Variants in ATP13A2 observed in about 807,000 individuals in gnomAD.
ATP13A2 encodes the protein ATPase cation transporting 13A2, also known as polyamine-transporting ATPase 13A2.
ATP13A2 carries 83 observed loss-of-function variants against 138.3 expected under a neutral mutation model. That is an observed-to-expected ratio of 0.60 (90% CI 0.50 to 0.72). The LOEUF (loss-of-function observed/expected upper bound fraction) is 0.72. Among genes scored for constraint, ATP13A2 ranks in the 30% least tolerant of loss-of-function variants. The pLI is 0.00. For synonymous variants in ATP13A2, 663 were observed against 699.0 expected, an observed-to-expected ratio of 0.95 and a Z score of 0.81; for missense variants, 1,402 against 1,606.4, an observed-to-expected ratio of 0.87 and a Z score of 2.17.
intron 15 of ATP13A2, among the ~76,000 whole-genome samples, chr1:16,994,197 C>CTCTCTCATTTATTT (rs762110883): frequency 6.8e-5 from 10 of 147,312 alleles, no homozygotes; most frequent in Middle Eastern, 3.2e-3. Flanking sequence ...CTCTCTCTCT[C>CTCTCTCATTTATTT]ATTTATTTAT....
Position 16,990,271 on chromosome 1 carries a change from T to C in ATP13A2, c.2268A>G (p.Thr756=). The change falls in exon 21 of 29, where the codon ACA becomes ACG. Residue 756 remains threonine, a synonymous_variant. Coordinates refer to ENST00000326735, the MANE Select transcript of ATP13A2 (RefSeq NM_022089.4). ...AVMVTGDNLQ[T]AVTVARGCGM... ...CACAGCCCCGGGCCACAGTCACCGC[T>C]GTCTGCAGGTTGTCCCCTGGGGGTT... The C allele has an allele frequency of 1.2e-6, 2 of 1,614,052 alleles. No individual in the cohort carries two copies. The highest frequency in any genetic ancestry group is 1.7e-6 in the Non-Finnish European group (2 of 1,180,028).
At position 16,986,004 on chromosome 1, in the gene ATP13A2, G is replaced by A; in HGVS notation, c.*217C>T. The A allele has an allele frequency of 6.9e-7, 1 of 1,455,974 alleles. No homozygotes were observed. Among genetic ancestry groups the A allele is most frequent in the Non-Finnish European group, 9.1e-7 (1 of 1,102,416 alleles). 90.2% of individuals were successfully genotyped at this position (1,455,974 alleles called of 1,614,324 possible). A position where few individuals can be genotyped will look rare whatever the true frequency, so the allele number is the denominator to read the frequency against. On this transcript the variant is annotated 3_prime_UTR_variant, in exon 29 of 29. Transcript: ENST00000326735. The surrounding 1 kb of genome is among the most constrained non-coding windows in gnomAD (Gnocchi z 6.9). ...TATTTGCTACACTGACAGCAGCACTGAGGGGAGCTGGGGGCTGCCACCCCT... is the reference window on the plus strand; with the variant it reads ...TATTTGCTACACTGACAGCAGCACTAAGGGGAGCTGGGGGCTGCCACCCCT...
chr1:17,005,607 G>A, intron 2 of ATP13A2, 51 bp from the exon 3 acceptor site: 1 of 1,613,740 alleles, frequency 6.2e-7, no homozygotes, highest in Admixed American at 1.7e-5. Context: ...CGGGGCTGGA[G>A]TAGGAAGTTG....
intron 1 of ATP13A2, among the ~76,000 whole-genome samples, chr1:17,008,815 T>C (rs575021611): frequency 1.3e-5 from 2 of 152,076 alleles, no homozygotes; most frequent in South Asian, 4.2e-4. Flanking sequence ...AAAAACCAAA[T>C]TAGCCGGGCG....
Position 17,011,719 on chromosome 1 carries a change from C to G in ATP13A2, c.10+10G>C. ...GCCGGGCTCGGGGCCGACCCGGACT[C>G]CGCACTCACCTGCGCTCATGCCGGC... is the stretch of plus-strand genomic sequence containing the variant. On this transcript the variant is annotated intron_variant, in intron 1 of 28. Coordinates refer to ENST00000326735, the MANE Select transcript of ATP13A2 (RefSeq NM_022089.4). The surrounding 1 kb of genome is among the most constrained non-coding windows in gnomAD (Gnocchi z 7.3). The G allele has an allele frequency of 8.7e-6, 13 of 1,488,290 alleles. No homozygotes were observed. Among genetic ancestry groups the G allele is most frequent in the Non-Finnish European group, 9.8e-6 (11 of 1,125,908 alleles). 92.2% of individuals were successfully genotyped at this position (1,488,290 alleles called of 1,614,324 possible).
Position 16,988,202 on chromosome 1 carries a change from C to G in ATP13A2, c.2795G>C (p.Ser932Thr), listed in dbSNP as rs12129596. ...EGRCSLDTSF[S>T]VFKYMALYSL... ...GTACAGAGCCATGTACTTGAAGACGCTGAACGAAGTGTCAAGGGAACAGCG... is the reference window on the plus strand; with the variant it reads ...GTACAGAGCCATGTACTTGAAGACGGTGAACGAAGTGTCAAGGGAACAGCG... The change falls in exon 25 of 29, where the codon AGC becomes ACC. Residue 932 changes from serine (S) to threonine (T), a missense_variant. By Grantham distance (58) the Ser-to-Thr change is moderately conservative. Transcript: ENST00000326735. The G allele has an allele frequency of 1.9e-6, 3 of 1,614,086 alleles. No individual in the cohort carries two copies. Among genetic ancestry groups the G allele is most frequent in the African/African-American group, 2.7e-5 (2 of 74,938 alleles).
At position 16,988,494 on chromosome 1, in the gene ATP13A2, G is replaced by T. The variant is rs754741241; in HGVS notation, c.2610-20C>A. 3 of 1,613,454 alleles carry T rather than the reference G, an allele frequency of 1.9e-6. No homozygotes were observed. The Admixed American group carries it at 5.0e-5, about 27-fold the overall frequency. On this transcript the variant is annotated intron_variant, in intron 23 of 28. Transcript: ENST00000326735. ...CAGTACCTGAAGAGAGGTGTGGACA[G>T]GTGTGGCCTGGGGAATTACCCCACC...
At chr1:16,996,913 G>C (rs2077147677) in intron 12 of ATP13A2, 107 bp downstream of exon 12, 54 of 1,386,422 alleles carry the variant, frequency 3.9e-5, no homozygotes, top group Non-Finnish European at 5.1e-5. Flanking sequence ...GGCAGCAGCA[G>C]AGGTGGGCGT....
In ATP13A2 at chr1:16,993,640, A is replaced by C; in HGVS notation, c.1738T>G (p.Ser580Ala). 1.9e-6 allele frequency: 3 copies of C among 1,587,140 alleles called. No homozygotes were observed. Among genetic ancestry groups the C allele is most frequent in the Admixed American group, 1.8e-5 (1 of 55,970 alleles). ...CTTGGCCTCCTCACCCAGCCAGTAGACTCCACCATCTTCAAGTCCATGGGG... is the reference window on the plus strand; with the variant it reads ...CTTGGCCTCCTCACCCAGCCAGTAGCCTCCACCATCTTCAAGTCCATGGGG... Reference protein sequence around the residue: ...GDPMDLKMVESTGWVLEEEPA... With the variant: ...GDPMDLKMVEATGWVLEEEPA... Residue 580 changes from serine to alanine, a missense_variant, in exon 16 of 29, where the codon TCT becomes GCT. Coordinates refer to ENST00000326735, the MANE Select transcript of ATP13A2 (RefSeq NM_022089.4).
At chr1:16,989,820 C>T (rs763937012) in intron 22 of ATP13A2, 50 bp from the exon 23 acceptor site, 33 of 1,610,130 alleles carry the variant, frequency 2.0e-5, no homozygotes, top group African/African-American at 5.3e-5. Context: ...CCAGGGAGAG[C>T]GAGCCGTGAG....
At chr1:17,002,471 A>G in intron 6 of ATP13A2, 98 bp from the exon 7 acceptor site, 1 of 1,394,542 alleles carries the variant, frequency 7.2e-7, no homozygotes, top group African/African-American at 1.4e-5. Flanking sequence ...TAGGCCCCCC[A>G]TCCCCGTTCT....
intron 1 of ATP13A2, 97 bp from the exon 2 acceptor site, chr1:17,005,875 C>A: frequency 8.3e-7 from 1 of 1,207,650 alleles, no homozygotes; most frequent in South Asian, 1.4e-5. Context: ...TGGCTCACGC[C>A]TGTAATCCCA....
At chr1:17,009,376 T>C (rs1405194827) in intron 1 of ATP13A2, among the ~76,000 whole-genome samples, 1 of 148,476 alleles carries the variant, frequency 6.7e-6, no homozygotes. Flanking sequence ...GGGAGGGGCT[T>C]GAGCCTCTTC....
At chr1:17,005,991 C>A (rs576160203) in intron 1 of ATP13A2, among the ~76,000 whole-genome samples, 5 of 152,014 alleles carry the variant, frequency 3.3e-5, no homozygotes, top group Admixed American at 6.5e-5. Context: ...AAAAATTAGC[C>A]GGGCGTGGCA....
chr1:17,003,532 G>A (rs1486711783), intron 6 of ATP13A2, among the ~76,000 whole-genome samples: 4 of 149,702 alleles, frequency 2.7e-5, no homozygotes, highest in African/African-American at 4.9e-5. Context: ...ACTCCAGCCC[G>A]GGCAACAAGA....
At position 16,988,398 on chromosome 1, in the gene ATP13A2, A is replaced by G; in HGVS notation, c.2686T>C (p.Ser896Pro). Reference protein sequence around the residue: ...LKAADVGISLSQAEASVVSPF... With the variant: ...LKAADVGISLPQAEASVVSPF... ...GAGACCACTGAGGCTTCTGCCTGGG[A>G]CAGCGAGATGCCGACATCAGCCGCC... is the stretch of plus-strand genomic sequence containing the variant. Residue 896 changes from serine to proline, a missense_variant, in exon 24 of 29, where the codon TCC becomes CCC. Coordinates refer to ENST00000326735, the MANE Select transcript of ATP13A2 (RefSeq NM_022089.4). The G allele has an allele frequency of 6.2e-7, 1 of 1,614,070 alleles. No homozygotes were observed. Among genetic ancestry groups the G allele is most frequent in the Non-Finnish European group, 8.5e-7 (1 of 1,180,040 alleles).
chr1:16,998,946 G>A (rs1397278134), intron 11 of ATP13A2, among the ~76,000 whole-genome samples: 1 of 152,164 alleles, frequency 6.6e-6, no homozygotes, highest in Non-Finnish European at 1.5e-5. Context: ...ACCCTTCACA[G>A]TGGCTGCCCT....
At position 16,986,885 on chromosome 1, in the gene ATP13A2, G is replaced by A; in HGVS notation, c.3155C>T (p.Ser1052Phe). The A allele has an allele frequency of 6.2e-7, 1 of 1,614,104 alleles. No homozygotes were observed. Among genetic ancestry groups the A allele is most frequent in the Non-Finnish European group, 8.5e-7 (1 of 1,180,010 alleles). Reference sequence around the variant, plus strand: ...GATGAGGTACTGGAAGCTGGACAGAGAGAAGACCACGGTGTTCTCGTAGTT... The same window carrying A: ...GATGAGGTACTGGAAGCTGGACAGAAAGAAGACCACGGTGTTCTCGTAGTT... ...LPNYENTVVF[S>F]LSSFQYLILA... Residue 1052 changes from serine to phenylalanine, a missense_variant, in exon 27 of 29, where the codon TCT (serine) becomes TTT (phenylalanine). By Grantham distance (155) the Ser-to-Phe change is radical. Coordinates refer to ENST00000326735, the MANE Select transcript of ATP13A2 (RefSeq NM_022089.4). This position sits in a 1 kb window ranked among gnomAD's most constrained non-coding sequence, Gnocchi z 6.9.
rs373946665 is a variant in ATP13A2, at chr1:16,986,993, G to C, written c.3084-37C>G. On this transcript the variant is annotated intron_variant, in intron 26 of 28. Transcript: ENST00000326735. This position sits in a 1 kb window ranked among gnomAD's most constrained non-coding sequence, Gnocchi z 6.9. Reference sequence around the variant, plus strand: ...GGGATGGGGGTCAGGGAACGAACGTGGGGTGGACAGGGAAGGGGCGGGATG... The same window carrying C: ...GGGATGGGGGTCAGGGAACGAACGTCGGGTGGACAGGGAAGGGGCGGGATG... The C allele has an allele frequency of 2.5e-5, 41 of 1,613,096 alleles. No homozygotes were observed. The highest frequency in any genetic ancestry group is 3.2e-5 in the Non-Finnish European group (38 of 1,179,492).
Sources: allele counts gnomAD v4.1 joint callset (sites outside exome capture counted in the v4.1 genomes callset), GRCh38; gene constraint gnomAD v4.1.1; non-coding constraint Gnocchi (gnomAD v3.1); transcripts MANE v1.5; gene names NCBI Gene and HGNC (gene_info 2026-07-23, HGNC 2026-07-21).